The following PRRX2 variants were observed in gnomAD, a reference collection of about 807,000 sequenced individuals.
PRRX2 encodes the protein paired related homeobox 2.
PRRX2 carries 11 observed loss-of-function variants against 18.0 expected under a neutral mutation model. That is an observed-to-expected ratio of 0.61 (90% CI 0.39 to 1.01). The LOEUF is 1.01. Ranked by LOEUF, PRRX2 falls within the 50% of genes least tolerant of loss-of-function variation. The pLI is 0.01. For synonymous variants in PRRX2, 177 were observed against 154.8 expected (o/e 1.14, Z -1.06); for missense variants, 387 against 351.0 (o/e 1.10, Z -0.82).
rs1832157672 is a variant in PRRX2, at chr9:129,675,877, G to A, written c.259+9751G>A. 6.6e-6 allele frequency among the ~76,000 whole-genome samples: 1 copy of A among 152,184 alleles called. No homozygotes were observed. Among genetic ancestry groups the A allele is most frequent in the African/African-American group, 2.4e-5 (1 of 41,454 alleles). ...CCCGTATAAAACCCCGCAGAACGCC[G>A]AGGTCTTGAAAGCCAGTGCACCTCC... is the stretch of plus-strand genomic sequence containing the variant. On this transcript the variant is annotated intron_variant, in intron 1 of 3. Coordinates refer to ENST00000372469, the MANE Select transcript of PRRX2 (RefSeq NM_016307.4). The surrounding 1 kb of genome is among the most constrained non-coding windows in gnomAD (Gnocchi z 4.4).
intron 1 of PRRX2, among the ~76,000 whole-genome samples, chr9:129,712,374 GTTTA>G (rs1390338230): frequency 2.6e-5 from 4 of 152,216 alleles, no homozygotes; most frequent in Admixed American, 6.5e-5. Context: ...AAGAGGCTGA[GTTTA>G]TTTGTCTTAG....
intron 1 of PRRX2, among the ~76,000 whole-genome samples, chr9:129,666,568 C>CCCA (rs1832026568): frequency 1.4e-5 from 1 of 69,342 alleles, no homozygotes; most frequent in African/African-American, 1.0e-4. Flanking sequence ...AGGGTGCCTG[C>CCCA]CCACCCCCCC....
Position 129,675,508 on chromosome 9 carries a change from A to C in PRRX2, c.259+9382A>C, listed in dbSNP as rs1588162068. Among the ~76,000 whole-genome samples the C allele has an allele frequency of 1.4e-5, 2 of 140,742 alleles. No individual in the cohort carries two copies. The highest frequency in any genetic ancestry group is 5.3e-5 in the African/African-American group (2 of 37,592). 92.3% of individuals were successfully genotyped at this position (140,742 alleles called of 152,430 possible). A position where few individuals can be genotyped will look rare whatever the true frequency, so the allele number is the denominator to read the frequency against. Reference sequence around the variant, plus strand: ...TGCCGGCACCTCCTGCCCCCCTGCTACCCTCCCTCCCCCATGGGGTCCCCT... The same window carrying C: ...TGCCGGCACCTCCTGCCCCCCTGCTCCCCTCCCTCCCCCATGGGGTCCCCT... On this transcript the variant is annotated intron_variant, in intron 1 of 3. Coordinates refer to ENST00000372469, the MANE Select transcript of PRRX2 (RefSeq NM_016307.4). This position sits in a 1 kb window ranked among gnomAD's most constrained non-coding sequence, Gnocchi z 4.4.
chr9:129,700,490 C>G (rs928772155), intron 1 of PRRX2, among the ~76,000 whole-genome samples: 1 of 152,062 alleles, frequency 6.6e-6, no homozygotes, highest in African/African-American at 2.4e-5. Context: ...CCACCAAGCC[C>G]GGCTAATTTT....
chr9:129,679,228 A>G (rs1317355821), intron 1 of PRRX2, among the ~76,000 whole-genome samples: 1 of 152,174 alleles, frequency 6.6e-6, no homozygotes, highest in Non-Finnish European at 1.5e-5. Context: ...TTTGTTCACA[A>G]GATGAGGAAG....
chr9:129,692,188 G>A (rs1564149295), intron 1 of PRRX2, among the ~76,000 whole-genome samples: 2 of 151,054 alleles, frequency 1.3e-5, no homozygotes, highest in Middle Eastern at 3.2e-3. Context: ...GACCTAAAGT[G>A]ATCTACTCTC....
At chr9:129,720,203 A>G (rs1195270677) in intron 2 of PRRX2, among the ~76,000 whole-genome samples, 1 of 150,182 alleles carries the variant, frequency 6.7e-6, no homozygotes, top group Non-Finnish European at 1.5e-5. Context: ...TCTCCCCGCG[A>G]GTGCTCAGCA....
chr9:129,668,026 C>T (rs975142846), intron 1 of PRRX2, among the ~76,000 whole-genome samples: 4 of 152,196 alleles, frequency 2.6e-5, no homozygotes, highest in African/African-American at 7.2e-5. Flanking sequence ...AGGAGGCGCT[C>T]GTGGGCTGGT....
rs765077601 is a variant in PRRX2 at position 129,720,727 on chromosome 9, C to G, written c.579C>G (p.Thr193=). 1.5e-5 allele frequency: 24 copies of G among 1,611,702 alleles called. No individual in the cohort carries two copies. The East Asian group carries it at 5.1e-4, about 34-fold the overall frequency. The change falls in exon 3 of 4, where the codon ACC becomes ACG. Residue 193 remains threonine (T), a synonymous_variant. Coordinates refer to ENST00000372469, the MANE Select transcript of PRRX2 (RefSeq NM_016307.4). ...AIEQPVAPRP[T]ALSPDYLSWT... ...AGCAGCCCGTGGCTCCCCGGCCCAC[C>G]GCCCTGAGTCCAGATTATCTCTCCT...
chr9:129,677,264 G>T (rs1832171461), intron 1 of PRRX2, among the ~76,000 whole-genome samples: 1 of 152,256 alleles, frequency 6.6e-6, no homozygotes, highest in South Asian at 2.1e-4. Flanking sequence ...TCACTCAGCA[G>T]CCTCACGAGA....
At chr9:129,680,163 A>ATTG (rs1431207061) in intron 1 of PRRX2, among the ~76,000 whole-genome samples, 1 of 152,032 alleles carries the variant, frequency 6.6e-6, no homozygotes, top group Non-Finnish European at 1.5e-5. Flanking sequence ...GCACTTTGGG[A>ATTG]GGCTGAGAAG....
chr9:129,666,027 C>A lies in PRRX2; in HGVS notation c.160C>A (p.Arg54=). ...CCTGGAAGAGGTGGCGGCGGCCGGG[C>A]GGCTGGCGGCGCGCCCCGGGGCCAG... is the stretch of plus-strand genomic sequence containing the variant. ...LDLEEVAAAG[R]LAARPGARAE... Residue 54 remains arginine, a synonymous_variant, in exon 1 of 4, where the codon CGG becomes AGG. Transcript: ENST00000372469. The A allele has an allele frequency of 9.5e-6, 10 of 1,056,998 alleles. No homozygotes were observed. The highest frequency in any genetic ancestry group is 1.1e-5 in the Non-Finnish European group (10 of 880,274). The allele number at this position is 1,056,998 out of a possible 1,614,324, so 65.5% of individuals were successfully genotyped here.
intron 1 of PRRX2, among the ~76,000 whole-genome samples, chr9:129,698,685 CCCTCACGTCACTA>C (rs896235291): frequency 2.1e-4 from 32 of 152,328 alleles, no homozygotes; most frequent in Admixed American, 9.1e-4. Flanking sequence ...GGTGGACGCC[CCCTCACGTCACTA>C]CCTCACGTCA....
rs549541310 is a variant in PRRX2 at position 129,701,485 on chromosome 9, T to C, written c.260-17746T>C. 2.0e-5 allele frequency among the ~76,000 whole-genome samples: 3 copies of C among 152,306 alleles called. No individual in the cohort carries two copies. In the South Asian group the frequency reaches 6.2e-4, roughly 32 times the overall value. The stretch of plus-strand genomic sequence containing the variant: ...AAGCCAGAACCAGAATGCAGCTATT[T>C]CCAGGAAAGCGGGATATGGTTGGGC... On this transcript the variant is annotated intron_variant, in intron 1 of 3. Coordinates refer to ENST00000372469, the MANE Select transcript of PRRX2 (RefSeq NM_016307.4).
intron 1 of PRRX2, among the ~76,000 whole-genome samples, chr9:129,714,041 G>T (rs187392864): frequency 2.1e-5 from 3 of 146,200 alleles, no homozygotes; most frequent in Non-Finnish European, 2.9e-5. Context: ...GGTAGCTCAC[G>T]CCTGTAATCC....
intron 1 of PRRX2, among the ~76,000 whole-genome samples, chr9:129,691,001 T>C (rs889989546): frequency 6.6e-6 from 1 of 151,902 alleles, no homozygotes; most frequent in African/African-American, 2.4e-5. Flanking sequence ...TTTTAGAATT[T>C]TGGAAGCTGG....
intron 1 of PRRX2, among the ~76,000 whole-genome samples, chr9:129,701,137 C>T (rs1387823925): frequency 2.6e-5 from 4 of 152,170 alleles, no homozygotes; most frequent in African/African-American, 7.2e-5. Context: ...GCTGTGAGGC[C>T]GTTTTGGCAT....
chr9:129,713,636 C>CTTT (rs1014664199), intron 1 of PRRX2, among the ~76,000 whole-genome samples: 1 of 144,232 alleles, frequency 6.9e-6, no homozygotes, highest in South Asian at 2.2e-4. Flanking sequence ...TTTTTTCTTT[C>CTTT]TTTTTTTTTT....
At chr9:129,685,158 C>A (rs1027498006) in intron 1 of PRRX2, among the ~76,000 whole-genome samples, 1 of 152,196 alleles carries the variant, frequency 6.6e-6, no homozygotes, top group Non-Finnish European at 1.5e-5. Context: ...ACCACCCTAC[C>A]TGGTTCCAAG....
Sources: allele counts gnomAD v4.1 joint callset (sites outside exome capture counted in the v4.1 genomes callset), GRCh38; gene constraint gnomAD v4.1.1; non-coding constraint Gnocchi (gnomAD v3.1); transcripts MANE v1.5; gene names NCBI Gene and HGNC (gene_info 2026-07-23, HGNC 2026-07-21).